CNTN5: variants seen among roughly 807,000 people sequenced by gnomAD.
The protein encoded by CNTN5 is contactin 5, also known as contactin-5.
A neutral mutation model predicts 129.1 loss-of-function variants in CNTN5; 77 were observed. That is an observed-to-expected ratio of 0.60 (90% CI 0.50 to 0.72). The LOEUF is 0.72. Among genes scored for constraint, CNTN5 ranks in the 30% least tolerant of loss-of-function variants. CNTN5 has a pLI of 0.00. For synonymous variants in CNTN5, 509 were observed against 465.6 expected, an observed-to-expected ratio of 1.09 and a Z score of -1.20; for missense variants, 1,478 against 1,328.8, an observed-to-expected ratio of 1.11 and a Z score of -1.75.
At chr11:99,137,526 T>C (rs566812846) in intron 1 of CNTN5, among the ~76,000 whole-genome samples, 2 of 152,124 alleles carry the variant, frequency 1.3e-5, no homozygotes, top group South Asian at 2.1e-4. Context: ...AATCAACCTA[T>C]GAAGACCCAA....
At chr11:100,221,237 T>C (rs143805101) in intron 15 of CNTN5, among the ~76,000 whole-genome samples, 34 of 152,274 alleles carry the variant, frequency 2.2e-4, no homozygotes, top group African/African-American at 7.5e-4. Context: ...ATGGGAAGTA[T>C]GCCTATGTCT....
In CNTN5 at chr11:99,117,835, C is replaced by A. The variant is rs115765526; in HGVS notation, c.-210+96565C>A. Among the ~76,000 whole-genome samples, 853 of 152,160 alleles carry A rather than the reference C, an allele frequency of 5.6e-3. 7 individuals are homozygous for A. The highest frequency in any genetic ancestry group is 0.019 in the African/African-American group (792 of 41,518). On this transcript the variant is annotated intron_variant, in intron 1 of 24. Transcript: ENST00000524871. The stretch of plus-strand genomic sequence containing the variant: ...ACTTCTTCCTGGTGAGGAAGAGCAC[C>A]CTCTTCAGGAATCAAATCTGATAGC...
intron 1 of CNTN5, among the ~76,000 whole-genome samples, chr11:99,050,224 T>A (rs190811047): frequency 6.6e-6 from 1 of 152,100 alleles, no homozygotes; most frequent in Admixed American, 6.6e-5. Context: ...GACACTTCAG[T>A]AGAAAGAAAA....
At chr11:99,103,929 C>T (rs1325236703) in intron 1 of CNTN5, among the ~76,000 whole-genome samples, 1 of 152,166 alleles carries the variant, frequency 6.6e-6, no homozygotes, top group Non-Finnish European at 1.5e-5. Context: ...CTTCAAAACA[C>T]TGTGGCTTGG....
rs182395210 is a variant in CNTN5, at chr11:99,502,059, C to T, written c.-70-54086C>T. 2.6e-4 allele frequency among the ~76,000 whole-genome samples: 40 copies of T among 152,300 alleles called. No individual in the cohort carries two copies. In the East Asian group the frequency reaches 7.2e-3, roughly 27 times the overall value. On this transcript the variant is annotated intron_variant, in intron 2 of 24. Transcript: ENST00000524871. ...GTTAATCCACAAATTGTACATGTAT[C>T]TAATCTTCGGCCTCATAACATTGTA...
In CNTN5 at chr11:99,379,167, G is replaced by A. The variant is rs926530216; in HGVS notation, c.-71+53683G>A. Among the ~76,000 whole-genome samples, 4 of 105,008 alleles carry A rather than the reference G, an allele frequency of 3.8e-5. No individual in the cohort carries two copies. The South Asian group carries it at 1.4e-3, about 38-fold the overall frequency. The allele number at this position is 105,008 out of a possible 152,430, so 68.9% of individuals were successfully genotyped here. On this transcript the variant is annotated intron_variant, in intron 2 of 24. Transcript: ENST00000524871. The stretch of plus-strand genomic sequence containing the variant: ...CCAGCAAGTTACTTTCCTAAGAGGA[G>A]ATAATTTTGTTTCTTTTTTTTTTTT...
intron 1 of CNTN5, among the ~76,000 whole-genome samples, chr11:99,035,911 G>A (rs1430031666): frequency 6.6e-6 from 1 of 152,038 alleles, no homozygotes; most frequent in Admixed American, 6.6e-5. Flanking sequence ...GCTGGTACCA[G>A]TTGTTCCTTT....
intron 13 of CNTN5, among the ~76,000 whole-genome samples, chr11:100,173,876 C>A (rs901028278): frequency 6.6e-6 from 1 of 152,090 alleles, no homozygotes; most frequent in African/African-American, 2.4e-5. Flanking sequence ...TTCTGTCCTA[C>A]TTTGATACAC....
chr11:99,586,283 T>C (rs1047165221), intron 3 of CNTN5, among the ~76,000 whole-genome samples: 6 of 152,184 alleles, frequency 3.9e-5, no homozygotes, highest in African/African-American at 1.2e-4. Flanking sequence ...TAACCATTGG[T>C]GAGATGATAA....
chr11:99,191,758 T>A (rs952813227), intron 1 of CNTN5, among the ~76,000 whole-genome samples: 4 of 149,692 alleles, frequency 2.7e-5, no homozygotes, highest in African/African-American at 7.3e-5. Flanking sequence ...AAAAATATCC[T>A]GAGACAATAA....
At chr11:100,140,886 G>C (rs1946678756) in intron 13 of CNTN5, among the ~76,000 whole-genome samples, 1 of 152,082 alleles carries the variant, frequency 6.6e-6, no homozygotes, top group Non-Finnish European at 1.5e-5. Flanking sequence ...TATTTTTAGT[G>C]AACAGGAAAT....
chr11:100,000,861 C>A (rs1247194169), intron 8 of CNTN5, among the ~76,000 whole-genome samples: 1 of 152,200 alleles, frequency 6.6e-6, no homozygotes, highest in Non-Finnish European at 1.5e-5. Context: ...GGGGCTTGCA[C>A]CTCTGAAGCA....
At chr11:100,180,926 A>C (rs1948120201) in intron 13 of CNTN5, among the ~76,000 whole-genome samples, 2 of 152,026 alleles carry the variant, frequency 1.3e-5, no homozygotes, top group Admixed American at 1.3e-4. Context: ...TGATGTGTAC[A>C]AAGTGGATCA....
chr11:100,080,125 T>C, intron 13 of CNTN5, among the ~76,000 whole-genome samples: 1 of 152,162 alleles, frequency 6.6e-6, no homozygotes, highest in East Asian at 1.9e-4. Context: ...GTCATATATG[T>C]TTAAAATTAT....
chr11:100,308,921 G>GT (rs1951412569), intron 21 of CNTN5: 6 of 983,662 alleles, frequency 6.1e-6, no homozygotes, highest in Non-Finnish European at 7.2e-6. Context: ...TATTCAGATA[G>GT]TTTTTTTGGT....
intron 1 of CNTN5, among the ~76,000 whole-genome samples, chr11:99,307,359 G>A (rs1864923159): frequency 6.6e-6 from 1 of 151,684 alleles, no homozygotes; most frequent in Admixed American, 6.6e-5. Context: ...TAGTGTTTTT[G>A]TTCTTGTTGT....
At chr11:100,170,872 A>G (rs1229749695) in intron 13 of CNTN5, among the ~76,000 whole-genome samples, 1 of 147,500 alleles carries the variant, frequency 6.8e-6, no homozygotes, top group East Asian at 2.0e-4. Context: ...AAGAAATTAT[A>G]GAAGGTATCC....
At chr11:99,258,335 C>T (rs985640792) in intron 1 of CNTN5, among the ~76,000 whole-genome samples, 11 of 151,972 alleles carry the variant, frequency 7.2e-5, no homozygotes, top group Non-Finnish European at 1.2e-4. Flanking sequence ...TTTGCTGCTC[C>T]CTTCTCTGTG....
At chr11:100,351,755 A>G (rs1297779936) in intron 24 of CNTN5, among the ~76,000 whole-genome samples, 1 of 151,510 alleles carries the variant, frequency 6.6e-6, no homozygotes, top group African/African-American at 2.4e-5. Flanking sequence ...CTCATGTACA[A>G]TTAGTGGGTA....
Sources: gnomAD v4.1 joint callset for allele counts (sites outside exome capture counted in the v4.1 genomes callset) on GRCh38, gnomAD v4.1.1 for gene constraint, MANE v1.5 for transcripts, NCBI Gene and HGNC (gene_info 2026-07-23, HGNC 2026-07-21) for gene names.